UNC13C: variants seen among roughly 807,000 people sequenced by gnomAD.
UNC13C encodes the protein protein unc-13 homolog C.
A neutral mutation model predicts 245.4 loss-of-function variants in UNC13C; 174 were observed. The ratio of observed to expected loss-of-function variants is 0.71; its 90% CI spans 0.63 to 0.80. The LOEUF (loss-of-function observed/expected upper bound fraction) is 0.80. Among genes scored for constraint, UNC13C ranks in the 30% least tolerant of loss-of-function variants. The probability of loss-of-function intolerance (pLI) is 0.00; values close to 1 mark genes in which losing one functional copy is unlikely to be tolerated. For synonymous variants in UNC13C, 992 were observed against 895.1 expected, an observed-to-expected ratio of 1.11 and a Z score of -1.93; for missense variants, 2,829 against 2,602.9, an observed-to-expected ratio of 1.09 and a Z score of -1.89.
chr15:54,506,058 C>T (rs1894459887), intron 22 of UNC13C, among the ~76,000 whole-genome samples: 1 of 152,094 alleles, frequency 6.6e-6, no homozygotes, highest in Non-Finnish European at 1.5e-5. Flanking sequence ...TGCTGTTCAG[C>T]AAGTCACCCG....
the UNC13C span, among the ~76,000 whole-genome samples, chr15:53,956,636 C>T: frequency 1.6e-5 from 2 of 126,376 alleles, no homozygotes; most frequent in African/African-American, 5.8e-5. Context: ...GGAATAAAGT[C>T]AGGAGCTTGA....
At chr15:53,837,673 T>G in the UNC13C span, 2 of 152,160 alleles carry the variant, frequency 1.3e-5, no homozygotes, top group Non-Finnish European at 2.9e-5. Context: ...AATGACAGTC[T>G]CTTCTGAAAA....
intron 4 of UNC13C, among the ~76,000 whole-genome samples, chr15:54,220,142 C>T (rs902598976): frequency 1.3e-4 from 19 of 151,132 alleles, no homozygotes; most frequent in Non-Finnish European, 2.4e-4. Flanking sequence ...AAGACACATG[C>T]ACATGTATGT....
chr15:54,051,657 TTTATTTA>T (rs1897270934), intron 2 of UNC13C, among the ~76,000 whole-genome samples: 4 of 150,592 alleles, frequency 2.7e-5, no homozygotes, highest in Admixed American at 6.6e-5. Context: ...TATTTATTTA[TTTATTTA>T]TTTTAATCAG....
In UNC13C at chr15:54,015,744, A is replaced by G. The variant is rs761125826; in HGVS notation, c.2841A>G (p.Ile947Met). 6.2e-7 allele frequency: 1 copy of G among 1,613,402 alleles called. No individual in the cohort carries two copies. Among genetic ancestry groups the G allele is most frequent in the Non-Finnish European group, 8.5e-7 (1 of 1,179,634 alleles). Residue 947 changes from isoleucine (I) to methionine (M), a missense_variant, in exon 2 of 33, where the codon ATA becomes ATG. Coordinates refer to ENST00000260323, the MANE Select transcript of UNC13C (RefSeq NM_001080534.3). ...PLNETSAEME[I>M]REDENQNIPE... ...ATGAAACATCAGCTGAGATGGAAAT[A>G]AGAGAAGATGAAAACCAAAACATTC...
At chr15:53,855,629 C>T in the UNC13C span, among the ~76,000 whole-genome samples, 15 of 152,108 alleles carry the variant, frequency 9.9e-5, no homozygotes, top group African/African-American at 3.6e-4. Context: ...ACCAAGCTTG[C>T]ACCCTAGGAA....
chr15:54,429,949 G>A (rs556620868), intron 19 of UNC13C, among the ~76,000 whole-genome samples: 1 of 151,588 alleles, frequency 6.6e-6, no homozygotes, highest in Non-Finnish European at 1.5e-5. Flanking sequence ...AATGCATATG[G>A]TACATCAAAA....
intron 13 of UNC13C, among the ~76,000 whole-genome samples, chr15:54,308,117 T>A (rs2140958134): frequency 6.6e-6 from 1 of 152,072 alleles, no homozygotes. Context: ...TTTTAAACTT[T>A]AGATGAAAGT....
intron 4 of UNC13C, among the ~76,000 whole-genome samples, chr15:54,183,353 T>C (rs977708510): frequency 6.6e-6 from 1 of 150,984 alleles, no homozygotes; most frequent in Non-Finnish European, 1.5e-5. Flanking sequence ...GAAGAGAATG[T>C]TTTCTGAATT....
rs188480999 is a variant in UNC13C, at chr15:54,190,463, C to G, written c.3072-44567C>G. On this transcript the variant is annotated intron_variant, in intron 4 of 32. Coordinates refer to ENST00000260323, the MANE Select transcript of UNC13C (RefSeq NM_001080534.3). The stretch of plus-strand genomic sequence containing the variant: ...CTTTTTAGTGATGTTCTATGTACAT[C>G]AAGCATTTTTATATAGGTCTTTATG... Among the ~76,000 whole-genome samples the G allele has an allele frequency of 1.2e-4, 19 of 152,126 alleles. No homozygotes were observed. In the East Asian group the frequency reaches 3.5e-3, roughly 28 times the overall value.
intron 2 of UNC13C, among the ~76,000 whole-genome samples, chr15:54,078,728 C>T (rs1898771647): frequency 6.6e-6 from 1 of 151,956 alleles, no homozygotes; most frequent in East Asian, 1.9e-4. Flanking sequence ...TGTTAGTCCT[C>T]TGTTGAGTGT....
chr15:54,010,774 C>CT, intron 1 of UNC13C, among the ~76,000 whole-genome samples: 1 of 151,872 alleles, frequency 6.6e-6, no homozygotes, highest in East Asian at 1.9e-4. Context: ...GACAGTGTTC[C>CT]TTACTAAGGC....
chr15:54,487,935 T>C (rs910700525), intron 19 of UNC13C, among the ~76,000 whole-genome samples: 1 of 152,194 alleles, frequency 6.6e-6, no homozygotes, highest in Non-Finnish European at 1.5e-5. Context: ...ATTTTTTCAT[T>C]TTTATTACTC....
intron 2 of UNC13C, among the ~76,000 whole-genome samples, chr15:54,085,273 A>G (rs1899172403): frequency 6.6e-6 from 1 of 152,182 alleles, no homozygotes; most frequent in Non-Finnish European, 1.5e-5. Flanking sequence ...CTCCTGGTAC[A>G]TTTACCGATT....
intron 17 of UNC13C, among the ~76,000 whole-genome samples, chr15:54,359,144 G>T (rs2039168966): frequency 6.6e-6 from 1 of 151,916 alleles, no homozygotes; most frequent in East Asian, 1.9e-4. Context: ...ATTTGCATGT[G>T]TTGAACCCTC....
At chr15:54,556,158 G>C (rs8040891) in intron 29 of UNC13C, among the ~76,000 whole-genome samples, 9,331 of 151,980 alleles carry the variant, frequency 0.061, 395 homozygotes, top group Admixed American at 0.13. Flanking sequence ...ATATGTGAAA[G>C]TTTATTAAAG....
chr15:53,945,343 C>T, the UNC13C span, among the ~76,000 whole-genome samples: 4 of 152,034 alleles, frequency 2.6e-5, no homozygotes, highest in African/African-American at 9.7e-5. Flanking sequence ...AATGGTATTG[C>T]CTAGGTTATC....
intron 30 of UNC13C, among the ~76,000 whole-genome samples, chr15:54,620,117 A>T (rs1035066646): frequency 3.3e-5 from 5 of 152,202 alleles, no homozygotes; most frequent in African/African-American, 1.2e-4. Context: ...ATTTTGTCTT[A>T]GAAAAGGAAA....
intron 2 of UNC13C, among the ~76,000 whole-genome samples, chr15:54,057,525 C>T (rs1025806160): frequency 1.3e-5 from 2 of 151,858 alleles, no homozygotes; most frequent in African/African-American, 4.8e-5. Flanking sequence ...GACTTTAACA[C>T]CCCACTGTCA....
Sources: allele counts gnomAD v4.1 joint callset (sites outside exome capture counted in the v4.1 genomes callset), GRCh38; gene constraint gnomAD v4.1.1; transcripts MANE v1.5; gene names NCBI Gene and HGNC (gene_info 2026-07-23, HGNC 2026-07-21).